The following CUL5 variants were observed in gnomAD, a reference collection of about 807,000 sequenced individuals.
CUL5 encodes cullin 5.
Under a neutral mutation model 108.8 loss-of-function variants are expected in CUL5, and 26 were observed. The ratio of observed to expected loss-of-function variants is 0.24; its 90% CI spans 0.18 to 0.33. The LOEUF (loss-of-function observed/expected upper bound fraction) is 0.33, where lower values mean the gene tolerates loss of function less well. CUL5 is among the 10% of genes least tolerant of loss of function. The pLI, the probability that CUL5 is intolerant of heterozygous loss-of-function variation, is 1.00. For missense variants in CUL5, 524 were observed against 909.2 expected (o/e 0.58, Z 5.45); for synonymous variants, 334 against 298.0 (o/e 1.12, Z -1.25).
At chr11:108,070,070 C>T in intron 7 of CUL5, 26 bp from the exon 8 acceptor site, 2 of 1,510,240 alleles carry the variant, frequency 1.3e-6, no homozygotes. Flanking sequence ...TTATAGTAGC[C>T]TTGACTAATT....
chr11:108,084,568 A>G (rs955284316), intron 11 of CUL5, among the ~76,000 whole-genome samples: 1 of 152,224 alleles, frequency 6.6e-6, no homozygotes, highest in Non-Finnish European at 1.5e-5. Context: ...ATGCAAGATA[A>G]CATCATCTTG....
In CUL5 at chr11:108,106,672, T is replaced by A. The variant is rs1864810583; in HGVS notation, c.*2288T>A. On this transcript the variant is annotated 3_prime_UTR_variant, in exon 19 of 19. Transcript: ENST00000393094. ...GTAATTTAACAACAGATTTGCTAAT[T>A]TAAAAAAAAATGAAAAAAAAAATCT... The A allele has an allele frequency of 1.3e-5, 2 of 151,514 alleles. No individual in the cohort carries two copies. Among genetic ancestry groups the A allele is most frequent in the South Asian group, 4.2e-4 (2 of 4,800 alleles). The allele number at this position is 151,514 out of a possible 1,614,324, so 9.4% of individuals were successfully genotyped here.
At chr11:108,096,122 C>T (rs576281263) in intron 16 of CUL5, among the ~76,000 whole-genome samples, 1 of 149,694 alleles carries the variant, frequency 6.7e-6, no homozygotes, top group Admixed American at 6.7e-5. Context: ...TATGCACACA[C>T]ACACACACAC....
intron 1 of CUL5, among the ~76,000 whole-genome samples, chr11:108,017,025 T>A (rs1862210793): frequency 6.6e-6 from 1 of 152,052 alleles, no homozygotes; most frequent in Non-Finnish European, 1.5e-5. Context: ...ATATCAAAGG[T>A]AATTGATCTG....
intron 3 of CUL5, among the ~76,000 whole-genome samples, chr11:108,049,617 A>G (rs1207377283): frequency 6.6e-6 from 1 of 152,050 alleles, no homozygotes; most frequent in African/African-American, 2.4e-5. Context: ...TGCTGGGACT[A>G]CTGTATGAGC....
In CUL5 at chr11:108,098,438, T is replaced by G; in HGVS notation, c.2057T>G (p.Ile686Ser). 1 of 1,606,236 alleles carries G rather than the reference T, an allele frequency of 6.2e-7. No individual in the cohort carries two copies. The highest frequency in any genetic ancestry group is 1.3e-5 in the African/African-American group (1 of 74,568). Residue 686 changes from isoleucine (I) to serine (S), a missense_variant, in exon 18 of 19, where the codon ATC becomes AGC. Physicochemically the swap from Ile to Ser is moderately radical, Grantham distance 142. This residue lies in a region of CUL5 where 66 missense variants were observed against 81.4 expected (regional missense o/e 0.81). Transcript: ENST00000393094. ...KNAKVQKRGK[I>S]NLIGRLQLTT... Reference sequence around the variant, plus strand: ...GCAAAGGTTCAGAAAAGGGGTAAAATCAACTTGATTGGACGTTTGCAGCTC... The same window carrying G: ...GCAAAGGTTCAGAAAAGGGGTAAAAGCAACTTGATTGGACGTTTGCAGCTC...
chr11:108,077,346 TA>T (rs1321304525), intron 10 of CUL5, among the ~76,000 whole-genome samples: 1 of 152,214 alleles, frequency 6.6e-6, no homozygotes, highest in Non-Finnish European at 1.5e-5. Context: ...CCAGTGACTT[TA>T]ACAAGAACAG....
rs1203980499 is a variant in CUL5, at chr11:108,106,442, G to GT, written c.*2064dup. 6.6e-6 allele frequency: 1 copy of GT among 151,916 alleles called. No homozygotes were observed. Among genetic ancestry groups the GT allele is most frequent in the South Asian group, 2.1e-4 (1 of 4,814 alleles). The allele number at this position is 151,916 out of a possible 1,614,324, so 9.4% of individuals were successfully genotyped here. A position where few individuals can be genotyped will look rare whatever the true frequency, so the allele number is the denominator to read the frequency against. ...TGGGTAACACTACATTCATAGCAAAGTTTTTTATTAAATTTTATAAATTTT... is the reference window on the plus strand; with the variant it reads ...TGGGTAACACTACATTCATAGCAAAGTTTTTTTATTAAATTTTATAAATTTT... On this transcript the variant is annotated 3_prime_UTR_variant, in exon 19 of 19. Coordinates refer to ENST00000393094, the MANE Select transcript of CUL5 (RefSeq NM_003478.6).
intron 1 of CUL5, among the ~76,000 whole-genome samples, chr11:108,032,324 T>G (rs543789156): frequency 9.9e-5 from 15 of 151,922 alleles, no homozygotes; most frequent in Non-Finnish European, 1.6e-4. Context: ...CTGGGAAATA[T>G]AACAAGACCC....
Position 108,096,633 on chromosome 11 carries a change from C to A in CUL5, c.1905+942C>A, listed in dbSNP as rs1864507560. The stretch of plus-strand genomic sequence containing the variant: ...TCAGGCTGGAGTGCAATGGCGCAAT[C>A]TCAGCTCACTGCAACCTCCGCCTCC... On this transcript the variant is annotated intron_variant, in intron 16 of 18. Transcript: ENST00000393094. Among the ~76,000 whole-genome samples, 3 of 121,220 alleles carry A rather than the reference C, an allele frequency of 2.5e-5. No homozygotes were observed. The South Asian group carries it at 8.5e-4, about 34-fold the overall frequency. The allele number at this position is 121,220 out of a possible 152,430, so 79.5% of individuals were successfully genotyped here.
chr11:108,058,060 T>C (rs541269160), intron 7 of CUL5, among the ~76,000 whole-genome samples: 2 of 151,444 alleles, frequency 1.3e-5, no homozygotes, highest in East Asian at 4.0e-4. Context: ...AATACAAAAA[T>C]TAGCCGGACG....
Position 108,097,559 on chromosome 11 carries a change from T to C in CUL5, c.1906-77T>C. The C allele has an allele frequency of 2.5e-6, 2 of 795,188 alleles. 1 individual carries two copies. The highest frequency in any genetic ancestry group is 4.2e-6 in the Non-Finnish European group (2 of 473,988). The allele number at this position is 795,188 out of a possible 1,614,324, so 49.3% of individuals were successfully genotyped here. On this transcript the variant is annotated intron_variant, in intron 16 of 18. Coordinates refer to ENST00000393094, the MANE Select transcript of CUL5 (RefSeq NM_003478.6). ...GTTTGTAATCTTTTTCTTGCCTATG[T>C]TGATTATGTGGGAGAATTGATCTTA...
intron 2 of CUL5, among the ~76,000 whole-genome samples, chr11:108,041,090 T>C (rs1026852731): frequency 6.6e-6 from 1 of 152,138 alleles, no homozygotes; most frequent in Non-Finnish European, 1.5e-5. Context: ...TGACTTTGGC[T>C]CCAGAATTCT....
In CUL5 at chr11:108,009,391, C is replaced by G; in HGVS notation, c.24+19C>G. On this transcript the variant is annotated intron_variant, in intron 1 of 18. Coordinates refer to ENST00000393094, the MANE Select transcript of CUL5 (RefSeq NM_003478.6). The stretch of plus-strand genomic sequence containing the variant: ...GTTAAAGGTAAGACCCTCACTCCAG[C>G]TTGGGTTTTACTGTGTGGCCGCCGG... 6.2e-7 allele frequency: 1 copy of G among 1,613,536 alleles called. No individual in the cohort carries two copies. The highest frequency in any genetic ancestry group is 8.5e-7 in the Non-Finnish European group (1 of 1,179,586).
chr11:108,035,037 A>T (rs899139743), intron 2 of CUL5, among the ~76,000 whole-genome samples: 12 of 152,052 alleles, frequency 7.9e-5, no homozygotes, highest in Non-Finnish European at 1.3e-4. Context: ...TGACTTACTG[A>T]GGTGTGTGTG....
intron 5 of CUL5, among the ~76,000 whole-genome samples, chr11:108,053,975 A>G (rs1249574371): frequency 1.3e-5 from 2 of 152,058 alleles, no homozygotes; most frequent in East Asian, 3.9e-4. Context: ...CCTCCAGAAT[A>G]GCTGAGATTA....
intron 1 of CUL5, among the ~76,000 whole-genome samples, chr11:108,011,043 A>G (rs891218310): frequency 6.6e-5 from 10 of 152,244 alleles, no homozygotes; most frequent in Non-Finnish European, 1.2e-4. Context: ...GAAGACTCCT[A>G]TTAATGCATC....
Position 108,009,151 on chromosome 11 carries a change from A to C in CUL5, c.-198A>C. The C allele has an allele frequency of 3.2e-6, 2 of 615,844 alleles. No homozygotes were observed. The highest frequency in any genetic ancestry group is 5.9e-6 in the Non-Finnish European group (2 of 340,916). 38.1% of individuals were successfully genotyped at this position (615,844 alleles called of 1,614,324 possible). A position where few individuals can be genotyped will look rare whatever the true frequency, so the allele number is the denominator to read the frequency against. On this transcript the variant is annotated 5_prime_UTR_variant, in exon 1 of 19. An upstream start codon of the reference 5' UTR is lost. Coordinates refer to ENST00000393094, the MANE Select transcript of CUL5 (RefSeq NM_003478.6). ...TTCGCGTGGGGAAGCTCCGGTGACC[A>C]TGTAGGGGAGAAGAGTGAGGAAGCT...
intron 1 of CUL5, among the ~76,000 whole-genome samples, chr11:108,011,018 ATTTG>A (rs1290201548): frequency 6.6e-6 from 1 of 152,170 alleles, no homozygotes; most frequent in African/African-American, 2.4e-5. Flanking sequence ...AGGAAAGAAA[ATTTG>A]TTTTATTTCT....
Sources: gnomAD v4.1 joint callset for allele counts (sites outside exome capture counted in the v4.1 genomes callset) on GRCh38, gnomAD v4.1.1 for gene constraint, gnomAD v4.1.1 regional missense constraint, MANE v1.5 for transcripts, NCBI Gene and HGNC (gene_info 2026-07-23, HGNC 2026-07-21) for gene names.